Variants in PFKFB3 observed in about 807,000 individuals in gnomAD.
PFKFB3 encodes 6-phosphofructo-2-kinase/fructose-2,6-bisphosphatase 3.
A neutral mutation model predicts 68.0 loss-of-function variants in PFKFB3; 33 were observed. That is an observed-to-expected ratio of 0.49 (90% CI 0.37 to 0.65). PFKFB3 has a LOEUF of 0.65. Among genes scored for constraint, PFKFB3 ranks in the 30% least tolerant of loss-of-function variants. PFKFB3 has a pLI of 0.00. For missense variants in PFKFB3, 586 were observed against 712.2 expected (o/e 0.82, Z 2.02); for synonymous variants, 315 against 288.2 (o/e 1.09, Z -0.94).
the PFKFB3 span, among the ~76,000 whole-genome samples, chr10:6,291,815 TG>T: frequency 6.6e-6 from 1 of 152,142 alleles, no homozygotes; most frequent in East Asian, 1.9e-4. Context: ...GCTTTTAGTC[TG>T]GATGCTTAAC....
At chr10:6,300,712 G>T in the PFKFB3 span, among the ~76,000 whole-genome samples, 7 of 152,072 alleles carry the variant, frequency 4.6e-5, no homozygotes, top group East Asian at 1.9e-4. Context: ...AGCCAGTCTC[G>T]CGAGGCACCG....
chr10:6,286,004 G>C, the PFKFB3 span, among the ~76,000 whole-genome samples: 7,639 of 120,534 alleles, frequency 0.063, 725 homozygotes, highest in East Asian at 0.43. Context: ...TTGAGATGGA[G>C]TCTCGCTCTG....
chr10:6,220,556 C>T lies in PFKFB3; in HGVS notation c.624-102C>T, dbSNP rs77754765. On this transcript the variant is annotated intron_variant, in intron 7 of 14. Coordinates refer to ENST00000379775, the MANE Select transcript of PFKFB3 (RefSeq NM_004566.4). This position sits in a 1 kb window ranked among gnomAD's most constrained non-coding sequence, Gnocchi z 4.1. ...TGTGCCCTGGAGGGGCCTACGGTCC[C>T]GCCTTGCTGTTCTCTGGGGATCACA... The T allele has an allele frequency of 0.017, 18,249 of 1,066,566 alleles. 264 individuals carry two copies. The highest frequency in any genetic ancestry group is 0.045 in the Middle Eastern group (198 of 4,376). The allele number at this position is 1,066,566 out of a possible 1,614,324, so 66.1% of individuals were successfully genotyped here.
chr10:6,230,957 C>T (rs1305862699), intron 14 of PFKFB3, among the ~76,000 whole-genome samples: 1 of 152,084 alleles, frequency 6.6e-6, no homozygotes, highest in Non-Finnish European at 1.5e-5. Flanking sequence ...CTCAGGTGAT[C>T]CACCCGCCTT....
At chr10:6,315,992 C>G in the PFKFB3 span, among the ~76,000 whole-genome samples, 1 of 152,288 alleles carries the variant, frequency 6.6e-6, no homozygotes, top group East Asian at 1.9e-4. Context: ...ACCATTACTA[C>G]AAATCCATTT....
At chr10:6,166,511 A>T (rs1842144554) in intron 1 of PFKFB3, among the ~76,000 whole-genome samples, 1 of 151,964 alleles carries the variant, frequency 6.6e-6, no homozygotes. Context: ...GTGTTTGTGT[A>T]TTGATTGATT....
downstream of PFKFB3, among the ~76,000 whole-genome samples, chr10:6,256,788 A>G (rs892847545): frequency 6.6e-6 from 1 of 152,244 alleles, no homozygotes; most frequent in Non-Finnish European, 1.5e-5. Flanking sequence ...AAATCGACCC[A>G]TGGGAGGAAG....
chr10:6,296,267 C>T, the PFKFB3 span, among the ~76,000 whole-genome samples: 2 of 150,134 alleles, frequency 1.3e-5, no homozygotes, highest in Non-Finnish European at 2.9e-5. Flanking sequence ...GAGATGTGTA[C>T]CCACTATAGA....
chr10:6,162,847 G>A (rs1842007868), intron 1 of PFKFB3, among the ~76,000 whole-genome samples: 1 of 152,156 alleles, frequency 6.6e-6, no homozygotes, highest in Non-Finnish European at 1.5e-5. Flanking sequence ...GGATCCCTGG[G>A]TACTTTCAGT....
intron 1 of PFKFB3, among the ~76,000 whole-genome samples, chr10:6,179,678 G>A (rs535156215): frequency 1.3e-5 from 2 of 152,314 alleles, no homozygotes; most frequent in South Asian, 2.1e-4. Context: ...ATCATCATGG[G>A]CTGTGTTGCA....
At position 6,235,129 on chromosome 10, in the gene PFKFB3, C is replaced by T. The variant is rs1019735784; in HGVS notation, c.*2187C>T. 6.5e-6 allele frequency: 1 copy of T among 152,716 alleles called. No individual in the cohort carries two copies. The highest frequency in any genetic ancestry group is 2.4e-5 in the African/African-American group (1 of 41,428). The allele number at this position is 152,716 out of a possible 1,614,324, so 9.5% of individuals were successfully genotyped here. ...CGGGGACCAATATTTTTAACTTTGC[C>T]TATTTGTTTTTGGGTGAGTTTCCCC... On this transcript the variant is annotated 3_prime_UTR_variant, in exon 15 of 15. Coordinates refer to ENST00000379775, the MANE Select transcript of PFKFB3 (RefSeq NM_004566.4).
chr10:6,227,470 T>G (rs1335180059), intron 14 of PFKFB3, among the ~76,000 whole-genome samples: 1 of 152,198 alleles, frequency 6.6e-6, no homozygotes, highest in Non-Finnish European at 1.5e-5. Context: ...GTCTGGAATG[T>G]GACCTGGGAG....
the PFKFB3 span, among the ~76,000 whole-genome samples, chr10:6,271,700 T>C: frequency 1.3e-5 from 2 of 152,172 alleles, no homozygotes; most frequent in East Asian, 3.9e-4. Flanking sequence ...AGACCTTTGA[T>C]AAAAAGTGAA....
chr10:6,162,881 G>T (rs988171550), intron 1 of PFKFB3, among the ~76,000 whole-genome samples: 2 of 152,190 alleles, frequency 1.3e-5, no homozygotes, highest in African/African-American at 4.8e-5. Context: ...TAGAAGGCTG[G>T]ATCTGGGCTT....
At chr10:6,255,373 C>T (rs1846480694), downstream of PFKFB3, among the ~76,000 whole-genome samples, 2 of 152,220 alleles carry the variant, frequency 1.3e-5, no homozygotes, top group African/African-American at 4.8e-5. Context: ...ATCTGCCCAC[C>T]TCGGCCTCCC....
rs1554844472 is a variant in PFKFB3, at chr10:6,187,976, T to TATCC, written c.17-25636_17-25633dup. On this transcript the variant is annotated intron_variant, in intron 1 of 14. Transcript: ENST00000379789. ...CTATCTATCTATCTATCTATCTATC[T>TATCC]ATCCATCCATCCATTTACCTACCTA... 1.8e-4 allele frequency among the ~76,000 whole-genome samples: 22 copies of TATCC among 123,628 alleles called. No individual in the cohort carries two copies. In the East Asian group the frequency reaches 1.9e-3, roughly 11 times the overall value. The allele number at this position is 123,628 out of a possible 152,430, so 81.1% of individuals were successfully genotyped here.
rs7894984 is a variant in PFKFB3 at position 6,210,560 on chromosome 10, A to G, written c.77-3063A>G. On this transcript the variant is annotated intron_variant, in intron 1 of 14. Transcript: ENST00000379775. ...TGTTTTTAATAGACGGGGTTTCGCC[A>G]TGTTAGCCAGGATAGTCTTGATAGT... 5.3e-3 allele frequency among the ~76,000 whole-genome samples: 428 copies of G among 80,902 alleles called. 74 individuals are homozygous for G. Among genetic ancestry groups the G allele is most frequent in the Middle Eastern group, 0.011 (2 of 186 alleles). The allele number at this position is 80,902 out of a possible 152,430, so 53.1% of individuals were successfully genotyped here. A position where few individuals can be genotyped will look rare whatever the true frequency, so the allele number is the denominator to read the frequency against.
At chr10:6,321,018 G>A in the PFKFB3 span, among the ~76,000 whole-genome samples, 2 of 152,138 alleles carry the variant, frequency 1.3e-5, no homozygotes, top group Non-Finnish European at 2.9e-5. Context: ...TTTTTACCCT[G>A]CAGTGGACAT....
chr10:6,215,242 G>A lies in PFKFB3; in HGVS notation c.224G>A (p.Arg75His), dbSNP rs1380747249. 1 of 1,613,910 alleles carries A rather than the reference G, an allele frequency of 6.2e-7. No individual in the cohort carries two copies. The highest frequency in any genetic ancestry group is 8.5e-7 in the Non-Finnish European group (1 of 1,179,954). ...PTKVFNVGEY[R>H]REAVKQYSSY... ...ACAGTGTTCAACGTCGGGGAGTATCGCCGGGAGGCTGTGAAGCAGTACAGC... is the reference window on the plus strand; with the variant it reads ...ACAGTGTTCAACGTCGGGGAGTATCACCGGGAGGCTGTGAAGCAGTACAGC... The change falls in exon 3 of 15, where the codon CGC becomes CAC. Residue 75 changes from arginine to histidine, a missense_variant. Arg to His is a conservative substitution (Grantham distance 29). Coordinates refer to ENST00000379775, the MANE Select transcript of PFKFB3 (RefSeq NM_004566.4). This position sits in a 1 kb window ranked among gnomAD's most constrained non-coding sequence, Gnocchi z 4.3.
Sources: gnomAD v4.1 joint callset for allele counts (sites outside exome capture counted in the v4.1 genomes callset) on GRCh38, gnomAD v4.1.1 for gene constraint, Gnocchi (gnomAD v3.1) non-coding constraint, MANE v1.5 for transcripts, NCBI Gene and HGNC (gene_info 2026-07-23, HGNC 2026-07-21) for gene names.